The following RAB38 variants were observed in gnomAD, a reference collection of about 807,000 sequenced individuals.
The protein encoded by RAB38 is RAB38, member RAS oncogene family.
Under a neutral mutation model 18.4 loss-of-function variants are expected in RAB38, and 15 were observed. The ratio of observed to expected loss-of-function variants is 0.82; its 90% confidence interval spans 0.55 to 1.26. The LOEUF (loss-of-function observed/expected upper bound fraction) is 1.26. Among genes scored for constraint, RAB38 ranks in the 50% most tolerant of loss-of-function variants. The pLI, the probability that RAB38 is intolerant of heterozygous loss-of-function variation, is 0.00. For missense variants in RAB38, 294 were observed against 267.4 expected (o/e 1.10, Z -0.69); for synonymous variants, 101 against 104.4 (o/e 0.97, Z 0.20).
At chr11:88,170,325 GT>G (rs1044493252) in intron 1 of RAB38, among the ~76,000 whole-genome samples, 21 of 152,172 alleles carry the variant, frequency 1.4e-4, no homozygotes, top group African/African-American at 5.1e-4. Flanking sequence ...ATTTTGGGGG[GT>G]TTTATTTGAC....
chr11:88,070,552 A>T, the RAB38 span, among the ~76,000 whole-genome samples: 1,253 of 152,330 alleles, frequency 8.2e-3, 17 homozygotes, highest in African/African-American at 0.029. Context: ...AAATGCCTTC[A>T]ACATGGCAGG....
chr11:87,868,471 C>T, the RAB38 span, among the ~76,000 whole-genome samples: 1 of 151,146 alleles, frequency 6.6e-6, no homozygotes, highest in Non-Finnish European at 1.5e-5. Flanking sequence ...TTCAAGTATT[C>T]TTTTACAGCA....
the RAB38 span, among the ~76,000 whole-genome samples, chr11:87,969,120 T>C: frequency 6.6e-6 from 1 of 152,254 alleles, no homozygotes; most frequent in South Asian, 2.1e-4. Flanking sequence ...ACATGAGTCT[T>C]GGGGGACAAG....
intron 2 of RAB38, among the ~76,000 whole-genome samples, chr11:88,133,571 T>G (rs955066599): frequency 6.6e-6 from 1 of 152,174 alleles, no homozygotes; most frequent in African/African-American, 2.4e-5. Flanking sequence ...GACCTCCCAG[T>G]GACTTAAAAG....
chr11:87,807,881 C>G, the RAB38 span, among the ~76,000 whole-genome samples: 1 of 152,146 alleles, frequency 6.6e-6, no homozygotes, highest in African/African-American at 2.4e-5. Flanking sequence ...AAAGTCACTG[C>G]TATGATTACA....
chr11:88,148,041 G>C (rs563236532), intron 2 of RAB38, among the ~76,000 whole-genome samples: 1 of 152,232 alleles, frequency 6.6e-6, no homozygotes, highest in Admixed American at 6.5e-5. Context: ...CGTTCAAAGA[G>C]AGTCAAGAAA....
the RAB38 span, among the ~76,000 whole-genome samples, chr11:87,869,649 GA>G: frequency 5.9e-5 from 9 of 151,638 alleles, no homozygotes; most frequent in East Asian, 3.9e-4. Context: ...GTTTTGAACT[GA>G]AAAAAATAAC....
chr11:87,840,389 C>T, the RAB38 span, among the ~76,000 whole-genome samples: 1 of 152,098 alleles, frequency 6.6e-6, no homozygotes, highest in Non-Finnish European at 1.5e-5. Flanking sequence ...ACTAATTTGG[C>T]CTCTGGTTCT....
chr11:88,106,859 T>G, the RAB38 span, among the ~76,000 whole-genome samples: 1 of 152,164 alleles, frequency 6.6e-6, no homozygotes, highest in Admixed American at 6.6e-5. Context: ...AAGAAGCCAA[T>G]GTTTTAAGAC....
intron 1 of RAB38, among the ~76,000 whole-genome samples, chr11:88,159,408 C>T (rs533211994): frequency 5.7e-4 from 85 of 149,130 alleles, no homozygotes; most frequent in Non-Finnish European, 1.1e-3. Flanking sequence ...GCCACACTGC[C>T]CCCCAAAAAT....
the RAB38 span, among the ~76,000 whole-genome samples, chr11:87,930,190 A>G: frequency 1.3e-5 from 2 of 152,150 alleles, no homozygotes; most frequent in South Asian, 2.1e-4. Flanking sequence ...AACAGTGTAA[A>G]AGTGTTCCTA....
the RAB38 span, among the ~76,000 whole-genome samples, chr11:87,826,866 T>C: frequency 2.0e-5 from 3 of 152,180 alleles, no homozygotes; most frequent in Non-Finnish European, 4.4e-5. Flanking sequence ...CATTAACCTC[T>C]TCACCATACT....
chr11:88,105,571 G>T, the RAB38 span, among the ~76,000 whole-genome samples: 1 of 152,104 alleles, frequency 6.6e-6, no homozygotes, highest in South Asian at 2.1e-4. Context: ...ATTTCTCCCT[G>T]CCTTTCTTTT....
At chr11:88,110,610 A>G (rs1942460991), downstream of RAB38, among the ~76,000 whole-genome samples, 1 of 152,046 alleles carries the variant, frequency 6.6e-6, no homozygotes, top group Non-Finnish European at 1.5e-5. Flanking sequence ...TGAGGTCAGG[A>G]GTTCGAGACC....
chr11:87,941,039 T>A, the RAB38 span, among the ~76,000 whole-genome samples: 1 of 151,570 alleles, frequency 6.6e-6, no homozygotes. Flanking sequence ...CCTGTCACTG[T>A]GATAGCTGTC....
the RAB38 span, among the ~76,000 whole-genome samples, chr11:88,051,816 C>T: frequency 6.6e-6 from 1 of 152,068 alleles, no homozygotes; most frequent in African/African-American, 2.4e-5. Context: ...CAGTTTAGAG[C>T]TAAAAAATAT....
At chr11:87,961,000 T>C in the RAB38 span, among the ~76,000 whole-genome samples, 1 of 152,182 alleles carries the variant, frequency 6.6e-6, no homozygotes, top group Non-Finnish European at 1.5e-5. Flanking sequence ...TCACAGCATA[T>C]TGAAGGGAAG....
intron 1 of RAB38, among the ~76,000 whole-genome samples, chr11:88,158,494 T>G (rs752668017): frequency 1.4e-4 from 21 of 152,038 alleles, no homozygotes; most frequent in Non-Finnish European, 2.4e-4. Flanking sequence ...CAGGCCAATA[T>G]TCGTGATAAA....
chr11:88,155,381 A>G (rs897590955), intron 1 of RAB38, among the ~76,000 whole-genome samples: 2 of 152,214 alleles, frequency 1.3e-5, no homozygotes, highest in African/African-American at 4.8e-5. Flanking sequence ...ACTGACTTAC[A>G]GGTCAAACTG....
Sources: allele counts gnomAD v4.1 joint callset (sites outside exome capture counted in the v4.1 genomes callset), GRCh38; gene constraint gnomAD v4.1.1; transcripts MANE v1.5; gene names NCBI Gene and HGNC (gene_info 2026-07-23, HGNC 2026-07-21).